Variants in UPF2 observed in about 807,000 individuals in gnomAD.
UPF2 encodes the protein regulator of nonsense transcripts 2.
Under a neutral mutation model 141.4 loss-of-function variants are expected in UPF2, and 17 were observed. The ratio of observed to expected loss-of-function variants is 0.12; its 90% CI spans 0.08 to 0.18. The LOEUF (loss-of-function observed/expected upper bound fraction) is 0.18, where lower values mean the gene tolerates loss of function less well. Among genes scored for constraint, UPF2 ranks in the 10% least tolerant of loss-of-function variants. The pLI is 1.00. For synonymous variants in UPF2, 540 were observed against 498.0 expected (o/e 1.08, Z -1.12); for missense variants, 1,152 against 1,515.9 (o/e 0.76, Z 3.99).
intron 2 of UPF2, among the ~76,000 whole-genome samples, chr10:12,033,595 A>G (rs2131313972): frequency 6.6e-6 from 1 of 152,346 alleles, no homozygotes; most frequent in East Asian, 1.9e-4. Context: ...CAATGAAGTT[A>G]AATTCTACAA....
chr10:11,975,631 C>T (rs898671296), intron 9 of UPF2, among the ~76,000 whole-genome samples: 4 of 151,984 alleles, frequency 2.6e-5, no homozygotes, highest in Non-Finnish European at 5.9e-5. Flanking sequence ...GCCTCAGCCT[C>T]CTGAGTAGCT....
chr10:11,941,530 G>A (rs1467644217), intron 18 of UPF2, among the ~76,000 whole-genome samples: 1 of 151,884 alleles, frequency 6.6e-6, no homozygotes, highest in Non-Finnish European at 1.5e-5. Context: ...ACTGCTCCAT[G>A]AGCATATAAA....
chr10:11,974,094 T>C (rs554903685), intron 9 of UPF2, among the ~76,000 whole-genome samples: 15 of 152,294 alleles, frequency 9.8e-5, no homozygotes, highest in African/African-American at 3.6e-4. Flanking sequence ...AGAGGTCCTT[T>C]ACATCCCTTG....
intron 14 of UPF2, 126 bp from the exon 15 acceptor site, chr10:11,952,375 C>T (rs1325973785): frequency 8.8e-6 from 7 of 799,600 alleles, no homozygotes; most frequent in Non-Finnish European, 1.3e-5. Context: ...AAGACACTTA[C>T]CATTTCTATT....
At chr10:11,964,233 A>C (rs889643571) in intron 10 of UPF2, 108 bp from the exon 11 acceptor site, 5 of 705,638 alleles carry the variant, frequency 7.1e-6, no homozygotes, top group Admixed American at 3.0e-5. Context: ...CGTAAAAAAC[A>C]GAAGTGAGTC....
At chr10:12,022,607 T>C (rs1219839960) in intron 3 of UPF2, among the ~76,000 whole-genome samples, 3 of 152,110 alleles carry the variant, frequency 2.0e-5, no homozygotes, top group African/African-American at 7.2e-5. Flanking sequence ...TTTAGAGCTC[T>C]TAGAACATTA....
intron 14 of UPF2, among the ~76,000 whole-genome samples, chr10:11,954,643 A>AAAAAAATAT (rs1439199969): frequency 1.6e-5 from 2 of 128,344 alleles, no homozygotes; most frequent in African/African-American, 5.4e-5. Context: ...CAAAAAAAAA[A>AAAAAAATAT]ATATATATAT....
chr10:11,970,450 G>A (rs956648408), intron 9 of UPF2, among the ~76,000 whole-genome samples: 1 of 151,428 alleles, frequency 6.6e-6, no homozygotes, highest in African/African-American at 2.4e-5. Context: ...TACTTTAAAT[G>A]TTTTCTAAAT....
At chr10:11,981,051 C>T (rs907288791) in intron 8 of UPF2, among the ~76,000 whole-genome samples, 1 of 151,538 alleles carries the variant, frequency 6.6e-6, no homozygotes, top group Non-Finnish European at 1.5e-5. Context: ...TAGCTGGGTG[C>T]GGTGGCACCT....
chr10:11,962,987 C>T (rs1297532200), intron 11 of UPF2, among the ~76,000 whole-genome samples: 6 of 151,976 alleles, frequency 3.9e-5, no homozygotes, highest in Admixed American at 3.3e-4. Flanking sequence ...TTTAATTTCC[C>T]ATAATGTATT....
In UPF2 at chr10:12,019,150, A is replaced by G. The variant is rs1834273911; in HGVS notation, c.1146-4966T>C. Among the ~76,000 whole-genome samples the G allele has an allele frequency of 4.6e-5, 7 of 152,244 alleles. No individual in the cohort carries two copies. The highest frequency in any genetic ancestry group is 4.6e-4 in the Admixed American group (7 of 15,282). ...AGCCATTCTTTTGAGAATGTCATAA[A>G]GTAGAGGTCAGCAAACTTTTTCTGT... On this transcript the variant is annotated intron_variant, in intron 3 of 21. Transcript: ENST00000357604. The surrounding 1 kb of genome is among the most constrained non-coding windows in gnomAD (Gnocchi z 4.5).
intron 1 of UPF2, among the ~76,000 whole-genome samples, chr10:12,038,378 T>TCACACACACACA (rs200544672): frequency 7.4e-6 from 1 of 135,934 alleles, no homozygotes; most frequent in African/African-American, 2.8e-5. Context: ...AGACTCCATC[T>TCACACACACACA]CACACACACA....
chr10:11,975,837 A>C (rs1389043963), intron 9 of UPF2, among the ~76,000 whole-genome samples: 1 of 152,210 alleles, frequency 6.6e-6, no homozygotes, highest in East Asian at 1.9e-4. Flanking sequence ...TTTTGTAAAC[A>C]TCAATTCAAA....
intron 1 of UPF2, among the ~76,000 whole-genome samples, chr10:12,037,141 G>A (rs1834644442): frequency 6.6e-6 from 1 of 152,186 alleles, no homozygotes; most frequent in South Asian, 2.1e-4. Flanking sequence ...CTGGAGTGCA[G>A]TGGCACAATC....
intron 9 of UPF2, among the ~76,000 whole-genome samples, chr10:11,977,867 T>G (rs1833531701): frequency 6.6e-6 from 1 of 152,194 alleles, no homozygotes; most frequent in Admixed American, 6.5e-5. Context: ...AGTTCAGTGT[T>G]TCCAACCTCT....
intron 9 of UPF2, among the ~76,000 whole-genome samples, chr10:11,978,714 C>A (rs1415446732): frequency 1.3e-5 from 2 of 152,142 alleles, no homozygotes; most frequent in Non-Finnish European, 2.9e-5. Flanking sequence ...GCACCACACC[C>A]GGACTCATGG....
chr10:11,983,486 T>C (rs927470578), intron 8 of UPF2, among the ~76,000 whole-genome samples: 5 of 151,858 alleles, frequency 3.3e-5, no homozygotes, highest in African/African-American at 1.2e-4. Flanking sequence ...CATTCTCCTG[T>C]CTCAGCCTCC....
chr10:11,938,188 C>A (rs1832878346), intron 18 of UPF2, among the ~76,000 whole-genome samples: 1 of 152,128 alleles, frequency 6.6e-6, no homozygotes, highest in Non-Finnish European at 1.5e-5. Flanking sequence ...TTGCTGTACA[C>A]TCAACATACA....
At position 11,939,359 on chromosome 10, in the gene UPF2, CTTTA is replaced by C. The variant is rs1327181746; in HGVS notation, c.3379-2651_3379-2648del. On this transcript the variant is annotated intron_variant, in intron 18 of 21. Coordinates refer to ENST00000357604, the MANE Select transcript of UPF2 (RefSeq NM_015542.4). The surrounding 1 kb of genome is among the most constrained non-coding windows in gnomAD (Gnocchi z 4.8). ...CTGTGGAAATAAAACAGAACGTCAACTTTATTTTTGTTTATTGTCTGTTTTCCCT... is the reference window on the plus strand; with the variant it reads ...CTGTGGAAATAAAACAGAACGTCAACTTTTTGTTTATTGTCTGTTTTCCCT... 2.6e-5 allele frequency among the ~76,000 whole-genome samples: 4 copies of C among 152,064 alleles called. No individual in the cohort carries two copies. Among genetic ancestry groups the C allele is most frequent in the African/African-American group, 7.2e-5 (3 of 41,408 alleles).
Sources: gnomAD v4.1 joint callset for allele counts (sites outside exome capture counted in the v4.1 genomes callset) on GRCh38, gnomAD v4.1.1 for gene constraint, Gnocchi (gnomAD v3.1) non-coding constraint, MANE v1.5 for transcripts, NCBI Gene and HGNC (gene_info 2026-07-23, HGNC 2026-07-21) for gene names.